FAAH2: variants seen among roughly 807,000 people sequenced by gnomAD.
The protein encoded by FAAH2 is fatty-acid amide hydrolase 2.
In FAAH2, 60 loss-of-function variants were observed where a neutral mutation model predicts 36.9. The observed-to-expected ratio is 1.63, with a 90% CI of 1.32 to 2.02. FAAH2 has a LOEUF of 2.02. FAAH2 is among the 30% of genes most tolerant of loss of function. The pLI is 0.00. For missense variants in FAAH2, 689 were observed against 397.5 expected (o/e 1.73, Z -6.23); for synonymous variants, 214 against 143.8 (o/e 1.49, Z -3.49).
At chrX:57,253,293 T>A in the FAAH2 span, among the ~76,000 whole-genome samples, 2 of 110,348 alleles carry the variant, frequency 1.8e-5, no homozygotes, top group Non-Finnish European at 3.8e-5. Flanking sequence ...CTACGTTTGA[T>A]TGGTGTAACT....
chrX:57,235,850 C>T, the FAAH2 span, among the ~76,000 whole-genome samples: 2 of 108,140 alleles, frequency 1.8e-5, no homozygotes, highest in African/African-American at 7.0e-5. Context: ...GTGAAGATAA[C>T]TTTCAAGATT....
At chrX:57,122,460 C>T in the FAAH2 span, among the ~76,000 whole-genome samples, 7 of 111,126 alleles carry the variant, frequency 6.3e-5, no homozygotes, top group Non-Finnish European at 1.3e-4. Flanking sequence ...ATCTATGTAT[C>T]GGAATAGAAA....
At chrX:57,181,821 C>T in the FAAH2 span, among the ~76,000 whole-genome samples, 1 of 111,950 alleles carries the variant, frequency 8.9e-6, no homozygotes, top group Non-Finnish European at 1.9e-5. Flanking sequence ...TACCCAACTT[C>T]AAACTATACT....
chrX:57,151,396 A>T, the FAAH2 span, among the ~76,000 whole-genome samples: 1 of 111,930 alleles, frequency 8.9e-6, no homozygotes, highest in African/African-American at 3.2e-5. Flanking sequence ...TTTCAGGTAC[A>T]CCAATCAGAC....
At chrX:57,260,446 T>C in the FAAH2 span, among the ~76,000 whole-genome samples, 1 of 111,904 alleles carries the variant, frequency 8.9e-6, no homozygotes, top group Non-Finnish European at 1.9e-5. Flanking sequence ...CTAAAAACTA[T>C]CAAAAGTGTA....
intron 8 of FAAH2, among the ~76,000 whole-genome samples, chrX:57,437,069 G>A (rs1285339910): frequency 9.0e-6 from 1 of 110,601 alleles, no homozygotes; most frequent in African/African-American, 3.3e-5. Flanking sequence ...ATATAAGGAT[G>A]GTTTAACATA....
At chrX:57,441,485 T>A (rs1332301988) in intron 8 of FAAH2, among the ~76,000 whole-genome samples, 16 of 111,102 alleles carry the variant, frequency 1.4e-4, no homozygotes, top group African/African-American at 5.2e-4. Context: ...ATTTGATTCC[T>A]CTCTCTTTTC....
chrX:57,399,093 G>A (rs2055371782), intron 7 of FAAH2, among the ~76,000 whole-genome samples: 1 of 111,489 alleles, frequency 9.0e-6, no homozygotes. Context: ...GACTGCAACT[G>A]GGGCTCCATT....
intron 4 of FAAH2, among the ~76,000 whole-genome samples, chrX:57,332,879 G>A (rs1184038671): frequency 9.0e-6 from 1 of 111,510 alleles, no homozygotes; most frequent in Non-Finnish European, 1.9e-5. Flanking sequence ...AACTTAGTAA[G>A]GTTTTACAAG....
chrX:57,284,515 A>T (rs1347635020), upstream of FAAH2, among the ~76,000 whole-genome samples: 6 of 112,492 alleles, frequency 5.3e-5, no homozygotes, highest in Non-Finnish European at 1.1e-4. Context: ...AAGTGTAATA[A>T]GTCCATCATA....
chrX:57,339,724 G>A (rs186713862), intron 4 of FAAH2, among the ~76,000 whole-genome samples: 197 of 112,066 alleles, frequency 1.8e-3, no homozygotes, highest in African/African-American at 5.3e-3. Flanking sequence ...AGTCAGAATG[G>A]CAATTATTAA....
chrX:57,233,380 T>C, the FAAH2 span, among the ~76,000 whole-genome samples: 1 of 112,033 alleles, frequency 8.9e-6, no homozygotes, highest in South Asian at 3.7e-4. Context: ...TAAAAAACTG[T>C]CATTGTGGTT....
At chrX:57,166,017 G>T in the FAAH2 span, among the ~76,000 whole-genome samples, 2 of 111,172 alleles carry the variant, frequency 1.8e-5, no homozygotes. Context: ...AGAACACACA[G>T]GTGGCTGGTT....
At chrX:57,192,031 G>A in the FAAH2 span, among the ~76,000 whole-genome samples, 1 of 111,327 alleles carries the variant, frequency 9.0e-6, no homozygotes, top group African/African-American at 3.3e-5. Flanking sequence ...ATTTTGATGG[G>A]GATTGCATAA....
the FAAH2 span, among the ~76,000 whole-genome samples, chrX:57,242,244 A>C: frequency 8.9e-6 from 1 of 112,126 alleles, no homozygotes; most frequent in African/African-American, 3.2e-5. Context: ...TCTGAGACAA[A>C]GCTTCCAGAT....
At chrX:57,294,085 C>T (rs1265094997) in intron 2 of FAAH2, among the ~76,000 whole-genome samples, 3 of 112,146 alleles carry the variant, frequency 2.7e-5, no homozygotes, top group Non-Finnish European at 5.6e-5. Flanking sequence ...AAATTTAAAA[C>T]ACTGGCATTA....
the FAAH2 span, among the ~76,000 whole-genome samples, chrX:57,238,017 G>A: frequency 9.0e-6 from 1 of 111,591 alleles, no homozygotes; most frequent in Admixed American, 9.5e-5. Flanking sequence ...GCAAGGTTTT[G>A]GAGAAAAAGG....
intron 4 of FAAH2, among the ~76,000 whole-genome samples, chrX:57,337,377 A>G (rs183114013): frequency 9.0e-6 from 1 of 111,461 alleles, no homozygotes; most frequent in African/African-American, 3.3e-5. Context: ...AAAAATTGAA[A>G]AAGAGGGATT....
At chrX:57,182,744 T>C in the FAAH2 span, among the ~76,000 whole-genome samples, 1 of 111,575 alleles carries the variant, frequency 9.0e-6, no homozygotes, top group African/African-American at 3.3e-5. Flanking sequence ...CATGCACATG[T>C]ATGTTCATTG....
Sources: gnomAD v4.1 joint callset for allele counts (sites outside exome capture counted in the v4.1 genomes callset) on GRCh38, gnomAD v4.1.1 for gene constraint, MANE v1.5 for transcripts, NCBI Gene and HGNC (gene_info 2026-07-23, HGNC 2026-07-21) for gene names.